CHN2: variants seen among roughly 807,000 people sequenced by gnomAD.
The protein encoded by CHN2 is beta-chimaerin.
Under a neutral mutation model 56.3 loss-of-function variants are expected in CHN2, and 35 were observed. The ratio of observed to expected loss-of-function variants is 0.62; its 90% CI spans 0.47 to 0.82. The LOEUF is 0.82. Ranked by LOEUF, CHN2 falls within the 40% of genes least tolerant of loss-of-function variation. The pLI, the probability that CHN2 is intolerant of heterozygous loss-of-function variation, is 0.00. For synonymous variants in CHN2, 210 were observed against 212.8 expected (o/e 0.99, Z 0.12); for missense variants, 491 against 580.5 (o/e 0.85, Z 1.58).
intron 2 of CHN2, among the ~76,000 whole-genome samples, chr7:29,155,549 G>T (rs1794245458): frequency 6.6e-6 from 1 of 152,192 alleles, no homozygotes; most frequent in African/African-American, 2.4e-5. Flanking sequence ...GCTACTGAGT[G>T]TCAGAACTGG....
chr7:29,339,012 T>C lies in CHN2; in HGVS notation c.50-15613T>C, dbSNP rs1391582618. 7.2e-5 allele frequency among the ~76,000 whole-genome samples: 11 copies of C among 152,356 alleles called. No homozygotes were observed. The East Asian group carries it at 1.7e-3, about 24-fold the overall frequency. On this transcript the variant is annotated intron_variant, in intron 1 of 12. Transcript: ENST00000222792. ...TTCACAAAAGGAATGTTATCTTAGA[T>C]TTTATTTTATACAAAGCCTGTCATA...
At position 29,442,934 on chromosome 7, in the gene CHN2, C is replaced by CTTTTTTTTTTTTCTTTT. The variant is rs1554294502; in HGVS notation, c.577-37333_577-37332insCTTTTTTTTTTTTTTTT. 6.9e-4 allele frequency among the ~76,000 whole-genome samples: 71 copies of CTTTTTTTTTTTTCTTTT among 103,058 alleles called. 1 individual carries two copies. The highest frequency in any genetic ancestry group is 8.4e-4 in the Non-Finnish European group (46 of 54,744). The allele number at this position is 103,058 out of a possible 152,430, so 67.6% of individuals were successfully genotyped here. On this transcript the variant is annotated intron_variant, in intron 6 of 12. Transcript: ENST00000222792. Reference sequence around the variant, plus strand: ...CATCGCTTTCAATTTCATTGAATTTCTTTTTTTTTTTTTTTTTGAGACGGA... The same window carrying CTTTTTTTTTTTTCTTTT: ...CATCGCTTTCAATTTCATTGAATTTCTTTTTTTTTTTTCTTTTTTTTTTTTTTTTTTTTTGAGACGGA...
intron 1 of CHN2, among the ~76,000 whole-genome samples, chr7:29,341,651 A>G (rs183825932): frequency 2.6e-5 from 4 of 152,242 alleles, no homozygotes; most frequent in African/African-American, 9.6e-5. Context: ...GTGAGATTTT[A>G]CTTTATTTGT....
At chr7:29,436,831 C>T (rs1212994605) in intron 6 of CHN2, among the ~76,000 whole-genome samples, 1 of 152,068 alleles carries the variant, frequency 6.6e-6, no homozygotes, top group African/African-American at 2.4e-5. Context: ...AAGTATTGGG[C>T]TTACAATACA....
At chr7:29,242,699 A>G (rs764487217) in intron 1 of CHN2, among the ~76,000 whole-genome samples, 29 of 151,234 alleles carry the variant, frequency 1.9e-4, no homozygotes, top group Non-Finnish European at 3.7e-4. Context: ...TTTAAATGCT[A>G]AAATCCTGAA....
chr7:29,188,666 G>A (rs539268080), intron 2 of CHN2, among the ~76,000 whole-genome samples: 24 of 152,162 alleles, frequency 1.6e-4, no homozygotes, highest in African/African-American at 4.1e-4. Context: ...GGATCTGCTC[G>A]GTTCCCTGGG....
At chr7:29,226,641 A>C (rs1786222912) in intron 1 of CHN2, among the ~76,000 whole-genome samples, 1 of 152,208 alleles carries the variant, frequency 6.6e-6, no homozygotes, top group Non-Finnish European at 1.5e-5. Context: ...ATCAAAATCA[A>C]AATCCATTTA....
intron 1 of CHN2, among the ~76,000 whole-genome samples, chr7:29,195,635 TG>T: frequency 9.5e-6 from 1 of 105,112 alleles, no homozygotes; most frequent in Admixed American, 9.7e-5. Context: ...AGAGAGTGTG[TG>T]TGTGTGTGTG....
intron 6 of CHN2, chr7:29,445,217 A>G: frequency 2.2e-6 from 1 of 453,582 alleles, no homozygotes; most frequent in South Asian, 1.6e-5. Context: ...AGTCCCAGCT[A>G]GATTCTTATT....
At chr7:29,249,449 G>A (rs1316148433) in intron 1 of CHN2, among the ~76,000 whole-genome samples, 1 of 152,180 alleles carries the variant, frequency 6.6e-6, no homozygotes, top group Non-Finnish European at 1.5e-5. Flanking sequence ...CCACATGGAG[G>A]GCCGATCATC....
chr7:29,300,011 G>A (rs1238983086), intron 1 of CHN2, among the ~76,000 whole-genome samples: 7 of 152,192 alleles, frequency 4.6e-5, no homozygotes, highest in African/African-American at 1.7e-4. Flanking sequence ...AGTACTGAGT[G>A]CAAATTAGAC....
intron 6 of CHN2, among the ~76,000 whole-genome samples, chr7:29,427,656 C>CTT (rs754677450): frequency 0.02 from 2,385 of 120,332 alleles, 116 homozygotes; most frequent in African/African-American, 0.055. Context: ...ATTTTTTATT[C>CTT]TTTTTTTTTT....
intron 2 of CHN2, among the ~76,000 whole-genome samples, chr7:29,179,630 T>C (rs1284383263): frequency 6.6e-6 from 1 of 152,232 alleles, no homozygotes; most frequent in African/African-American, 2.4e-5. Flanking sequence ...AGAATTACTC[T>C]GATATATGTA....
intron 1 of CHN2, chr7:29,292,914 C>G (rs1331306305): frequency 4.4e-6 from 2 of 456,168 alleles, no homozygotes; most frequent in Admixed American, 4.7e-5. Flanking sequence ...TCCACTCTTG[C>G]CTCTCTTCAG....
At chr7:29,504,199 C>T (rs536603670) in intron 9 of CHN2, among the ~76,000 whole-genome samples, 1 of 152,266 alleles carries the variant, frequency 6.6e-6, no homozygotes, top group Non-Finnish European at 1.5e-5. Flanking sequence ...CACATACATA[C>T]ATGTGTGTAT....
chr7:29,421,168 C>T (rs1014126912), intron 6 of CHN2, among the ~76,000 whole-genome samples: 2 of 152,204 alleles, frequency 1.3e-5, no homozygotes. Flanking sequence ...CAACACCTTT[C>T]TTGTACTTTC....
rs141441853 is a variant in CHN2, at chr7:29,242,217, T to G, written c.49+47227T>G. ...AGGCAGGCTGCCTCTAAAGGACATA[T>G]ATCTATTTCTACCATGTCACAATCC... On this transcript the variant is annotated intron_variant, in intron 1 of 12. Transcript: ENST00000222792. 1.3e-3 allele frequency among the ~76,000 whole-genome samples: 193 copies of G among 152,308 alleles called. 1 individual carries two copies. The highest frequency in any genetic ancestry group is 4.4e-3 in the African/African-American group (181 of 41,570).
intron 1 of CHN2, among the ~76,000 whole-genome samples, chr7:29,244,516 A>G (rs1233948831): frequency 6.6e-6 from 1 of 152,218 alleles, no homozygotes; most frequent in African/African-American, 2.4e-5. Context: ...ATCGGCAGAT[A>G]CTGAAGCTGT....
chr7:29,331,270 C>A (rs994224146), intron 1 of CHN2, among the ~76,000 whole-genome samples: 2 of 151,526 alleles, frequency 1.3e-5, no homozygotes. Flanking sequence ...ACAGAGGTGT[C>A]GGCAGATTGA....
Sources: allele counts gnomAD v4.1 joint callset (sites outside exome capture counted in the v4.1 genomes callset), GRCh38; gene constraint gnomAD v4.1.1; transcripts MANE v1.5; gene names NCBI Gene and HGNC (gene_info 2026-07-23, HGNC 2026-07-21).